The following MYO5A variants were observed in gnomAD, a reference collection of about 807,000 sequenced individuals.
MYO5A encodes the protein unconventional myosin-Va.
MYO5A carries 98 observed loss-of-function variants against 249.7 expected under a neutral mutation model. The ratio of observed to expected loss-of-function variants is 0.39; its 90% CI spans 0.33 to 0.46. MYO5A has a LOEUF of 0.46. Among genes scored for constraint, MYO5A ranks in the 20% least tolerant of loss-of-function variants. The pLI is 0.98. For synonymous variants in MYO5A, 778 were observed against 810.6 expected (o/e 0.96, Z 0.68); for missense variants, 1,696 against 2,308.8 (o/e 0.73, Z 5.44).
intron 4 of MYO5A, among the ~76,000 whole-genome samples, chr15:52,421,825 G>A (rs577155874): frequency 6.6e-6 from 1 of 152,324 alleles, no homozygotes; most frequent in African/African-American, 2.4e-5. Flanking sequence ...AGGGAGACCA[G>A]GAGATTTGAG....
chr15:52,367,265 T>C (rs2040856628), intron 22 of MYO5A, 141 bp from the exon 23 acceptor site: 1 of 762,616 alleles, frequency 1.3e-6, no homozygotes, highest in East Asian at 2.8e-5. Context: ...CTAGTCACCT[T>C]ACAAACTTGC....
At position 52,375,237 on chromosome 15, in the gene MYO5A, C is replaced by G. The variant is rs578177232; in HGVS notation, c.2577+67G>C. On this transcript the variant is annotated intron_variant, in intron 20 of 41. Transcript: ENST00000399233. Reference sequence around the variant, plus strand: ...CCTTCATTGTAGCCCCTGTGGTACTCTGTATAGATGTGAAATTTGGTTAAT... The same window carrying G: ...CCTTCATTGTAGCCCCTGTGGTACTGTGTATAGATGTGAAATTTGGTTAAT... The G allele has an allele frequency of 1.9e-4, 288 of 1,524,962 alleles. No individual in the cohort carries two copies. The African/African-American group carries it at 3.6e-3, about 19-fold the overall frequency. 94.5% of individuals were successfully genotyped at this position (1,524,962 alleles called of 1,614,324 possible). A position where few individuals can be genotyped will look rare whatever the true frequency, so the allele number is the denominator to read the frequency against.
chr15:52,376,270 T>C, intron 19 of MYO5A, 77 bp downstream of exon 19: 1 of 1,365,268 alleles, frequency 7.3e-7, no homozygotes, highest in Non-Finnish European at 1.0e-6. Flanking sequence ...TCTTTTCAGC[T>C]ATGGTGACCA....
rs1023886596 is a variant in MYO5A, at chr15:52,321,429, C to G, written c.4881G>C (p.Leu1627=). The part of the protein sequence containing the change: ...NFDLAEYRQV[L]SDLAIQIYQQ... ...GGTAGATCTGAATGGCCAAGTCACT[C>G]AGCACCTGCCGATACTCAGCCAGGT... The change falls in exon 38 of 42, where the codon CTG becomes CTC. Residue 1627 remains leucine, a synonymous_variant. Transcript: ENST00000399233. 6.2e-7 allele frequency: 1 copy of G among 1,614,206 alleles called. No homozygotes were observed. The highest frequency in any genetic ancestry group is 1.1e-5 in the South Asian group (1 of 91,084).
Position 52,408,104 on chromosome 15 carries a change from G to T in MYO5A, c.793C>A (p.Leu265Ile), listed in dbSNP as rs1257357255. The T allele has an allele frequency of 6.2e-7, 1 of 1,607,892 alleles. No individual in the cohort carries two copies. The highest frequency in any genetic ancestry group is 2.2e-5 in the East Asian group (1 of 44,728). The change falls in exon 7 of 42, where the codon CTT (leucine) becomes ATT (isoleucine). Residue 265 changes from leucine (L) to isoleucine (I), a missense_variant. Leu to Ile is a conservative substitution (Grantham distance 5). Transcript: ENST00000399233. The part of the protein sequence containing the change: ...EERNYHIFYQ[L>I]CASAKLPEFK... ...TCAGGTAACTTTGCTGAGGCACAAAGCTGATAGAAGATATGATAGTTTCTC... is the reference window on the plus strand; with the variant it reads ...TCAGGTAACTTTGCTGAGGCACAAATCTGATAGAAGATATGATAGTTTCTC...
chr15:52,528,657 C>A, intron 1 of MYO5A, 123 bp downstream of exon 1: 1 of 1,173,072 alleles, frequency 8.5e-7, no homozygotes. Context: ...TTCTGAGGCG[C>A]TGAAGGGGAT....
Position 52,343,238 on chromosome 15 carries a change from T to A in MYO5A, c.3960-41A>T, listed in dbSNP as rs570157139. The A allele has an allele frequency of 6.6e-6, 10 of 1,521,648 alleles. 1 individual carries two copies. In the East Asian group the frequency reaches 2.2e-4, roughly 34 times the overall value. The allele number at this position is 1,521,648 out of a possible 1,614,324, so 94.3% of individuals were successfully genotyped here. On this transcript the variant is annotated intron_variant, in intron 30 of 41. Coordinates refer to ENST00000399233, the MANE Select transcript of MYO5A (RefSeq NM_001382347.1). ...AACAACAATGCAAAACACAAAAGGA[T>A]ACAGGATGCTGATGAGGTGACGATG...
At chr15:52,464,562 G>T (rs976256012) in intron 1 of MYO5A, among the ~76,000 whole-genome samples, 1 of 152,230 alleles carries the variant, frequency 6.6e-6, no homozygotes, top group African/African-American at 2.4e-5. Context: ...GCCTGTGAGG[G>T]CAGGGACAAC....
chr15:52,507,704 C>T lies in MYO5A; in HGVS notation c.27+21076G>A, dbSNP rs936379876. On this transcript the variant is annotated intron_variant, in intron 1 of 41. Coordinates refer to ENST00000399233, the MANE Select transcript of MYO5A (RefSeq NM_001382347.1). Reference sequence around the variant, plus strand: ...AGTGGCATGCACCTGTAGTCCCAGCCGAAGTGGGAGGATCACTTGAGCCTG... The same window carrying T: ...AGTGGCATGCACCTGTAGTCCCAGCTGAAGTGGGAGGATCACTTGAGCCTG... 6.7e-5 allele frequency among the ~76,000 whole-genome samples: 10 copies of T among 149,840 alleles called. No individual in the cohort carries two copies. The East Asian group carries it at 2.0e-3, about 30-fold the overall frequency.
chr15:52,526,815 TG>T (rs765687817), intron 1 of MYO5A, among the ~76,000 whole-genome samples: 12 of 152,170 alleles, frequency 7.9e-5, no homozygotes, highest in Admixed American at 2.0e-4. Context: ...CAAATTATCC[TG>T]GGGGAAAAAA....
chr15:52,467,577 T>C lies in MYO5A; in HGVS notation c.28-34292A>G, dbSNP rs113897615. 9.2e-4 allele frequency among the ~76,000 whole-genome samples: 140 copies of C among 152,126 alleles called. 1 individual carries two copies. The highest frequency in any genetic ancestry group is 3.2e-3 in the African/African-American group (132 of 41,522). ...TTGGTATTCTCAAGGAGGAAGAAAA[T>C]GCAAAAAGTTCTGAAAACCTATTTA... is the stretch of plus-strand genomic sequence containing the variant. On this transcript the variant is annotated intron_variant, in intron 1 of 41. Transcript: ENST00000399233.
chr15:52,450,854 T>TG (rs2076004978), intron 1 of MYO5A, among the ~76,000 whole-genome samples: 1 of 146,862 alleles, frequency 6.8e-6, no homozygotes, highest in Non-Finnish European at 1.5e-5. Context: ...TTTTTTTTTT[T>TG]TTTTTTTTTT....
intron 1 of MYO5A, among the ~76,000 whole-genome samples, chr15:52,449,060 C>G (rs2075960207): frequency 6.8e-6 from 1 of 147,262 alleles, no homozygotes; most frequent in African/African-American, 2.5e-5. Flanking sequence ...ACTCTGTCTC[C>G]CGGGTTCAAG....
At chr15:52,491,324 T>C (rs4774627) in intron 1 of MYO5A, among the ~76,000 whole-genome samples, 22,644 of 152,170 alleles carry the variant, frequency 0.15, 1,807 homozygotes, top group Middle Eastern at 0.22. Flanking sequence ...TACTGAAGGA[T>C]TTCATTGCAT....
chr15:52,487,867 A>T (rs996492975), intron 1 of MYO5A, among the ~76,000 whole-genome samples: 1 of 151,908 alleles, frequency 6.6e-6, no homozygotes, highest in Non-Finnish European at 1.5e-5. Flanking sequence ...CCTACCCCAC[A>T]TTCCCAGACA....
intron 9 of MYO5A, among the ~76,000 whole-genome samples, chr15:52,398,071 G>C (rs2042566740): frequency 6.6e-6 from 1 of 151,978 alleles, no homozygotes; most frequent in South Asian, 2.1e-4. Flanking sequence ...GTGGTGGGAA[G>C]GAAATCATCA....
intron 1 of MYO5A, among the ~76,000 whole-genome samples, chr15:52,506,254 G>A (rs2141601323): frequency 6.6e-6 from 1 of 152,238 alleles, no homozygotes; most frequent in East Asian, 1.9e-4. Context: ...GGGAGGCTGA[G>A]GCAGGAGAAT....
intron 1 of MYO5A, among the ~76,000 whole-genome samples, chr15:52,489,227 C>A (rs2076884977): frequency 6.6e-6 from 1 of 152,166 alleles, no homozygotes; most frequent in Non-Finnish European, 1.5e-5. Flanking sequence ...GGAGCTGACA[C>A]CAGGAGCACA....
chr15:52,511,075 C>A (rs1427049525), intron 1 of MYO5A, among the ~76,000 whole-genome samples: 1 of 152,232 alleles, frequency 6.6e-6, no homozygotes, highest in Non-Finnish European at 1.5e-5. Context: ...GAGGAGGCAA[C>A]TTCTGCATGG....
Sources: allele counts gnomAD v4.1 joint callset (sites outside exome capture counted in the v4.1 genomes callset), GRCh38; gene constraint gnomAD v4.1.1; transcripts MANE v1.5; gene names NCBI Gene and HGNC (gene_info 2026-07-23, HGNC 2026-07-21).